The following CSPG4 variants were observed in gnomAD, a reference collection of about 807,000 sequenced individuals.
The protein encoded by CSPG4 is chondroitin sulfate proteoglycan 4 (melanoma-associated).
A neutral mutation model predicts 139.3 loss-of-function variants in CSPG4; 74 were observed. That is an observed-to-expected ratio of 0.53 (90% CI 0.44 to 0.64). The LOEUF (loss-of-function observed/expected upper bound fraction) is 0.64. Among genes scored for constraint, CSPG4 ranks in the 30% least tolerant of loss-of-function variants. CSPG4 has a pLI of 0.00. For missense variants in CSPG4, 2,565 were observed against 3,148.3 expected (o/e 0.81, Z 4.43); for synonymous variants, 1,234 against 1,394.2 (o/e 0.89, Z 2.56).
At position 75,676,695 on chromosome 15, in the gene CSPG4, T is replaced by C; in HGVS notation, c.5824A>G (p.Ile1942Val). 6.3e-7 allele frequency: 1 copy of C among 1,590,392 alleles called. No homozygotes were observed. The highest frequency in any genetic ancestry group is 8.6e-7 in the Non-Finnish European group (1 of 1,166,554). ...SLAVDILPSAIEVQLRAPLEV... is the reference protein window; with the variant it reads ...SLAVDILPSAVEVQLRAPLEV... Reference sequence around the variant, plus strand: ...AGGGGTGCCCGCAGCTGCACCTCGATGGCGGATGGTAGGATGTCCACAGCC... The same window carrying C: ...AGGGGTGCCCGCAGCTGCACCTCGACGGCGGATGGTAGGATGTCCACAGCC... Residue 1942 changes from isoleucine to valine, a missense_variant, in exon 10 of 10, where the codon ATC becomes GTC. Around this residue, in one of 5 missense-constraint regions of CSPG4, gnomAD observed 2,316 missense variants for 2,818.2 expected, o/e 0.82. Coordinates refer to ENST00000308508, the MANE Select transcript of CSPG4 (RefSeq NM_001897.5).
At chr15:75,695,960 G>A (rs377749853) in intron 1 of CSPG4, among the ~76,000 whole-genome samples, 1 of 152,180 alleles carries the variant, frequency 6.6e-6, no homozygotes, top group Non-Finnish European at 1.5e-5. Flanking sequence ...AGCTAGGCTC[G>A]GCTGCGTGAC....
chr15:75,712,690 C>T lies in CSPG4; in HGVS notation c.66G>A (p.Met22Ile), dbSNP rs1354256466. Residue 22 changes from methionine (M) to isoleucine (I), a missense_variant, in exon 1 of 10, where the codon ATG (methionine) becomes ATA (isoleucine). Met to Ile is a conservative substitution (Grantham distance 10, BLOSUM62 1). Coordinates refer to ENST00000308508, the MANE Select transcript of CSPG4 (RefSeq NM_001897.5). ...CACCCGCGGATGCAAGTCTGGCCAACATAGTCAGGGTCAAAGCCAAGGCCA... is the reference window on the plus strand; with the variant it reads ...CACCCGCGGATGCAAGTCTGGCCAATATAGTCAGGGTCAAAGCCAAGGCCA... Reference protein sequence around the residue: ...PGLALALTLTMLARLASAASF... With the variant: ...PGLALALTLTILARLASAASF... 6.4e-7 allele frequency: 1 copy of T among 1,565,876 alleles called. No individual in the cohort carries two copies. The highest frequency in any genetic ancestry group is 8.7e-7 in the Non-Finnish European group (1 of 1,155,844).
In CSPG4 at chr15:75,688,328, C is replaced by T. The variant is rs1214894593; in HGVS notation, c.2737G>A (p.Gly913Ser). The stretch of plus-strand genomic sequence containing the variant: ...TGGTCAGCAGAGAGGACACCCTCAC[C>T]ACCCTCAGGCACCACGAGGAGGACA... ...TNVLLVVPEG[G>S]EGVLSADHLF... is the part of the protein sequence containing the mutation. Residue 913 changes from glycine (G) to serine (S), a missense_variant, in exon 3 of 10, where the codon GGT becomes AGT. This residue lies in a region of CSPG4 where 2,316 missense variants were observed against 2,818.2 expected (regional missense o/e 0.82). Transcript: ENST00000308508. The T allele has an allele frequency of 6.2e-7, 1 of 1,613,158 alleles. No individual in the cohort carries two copies. The highest frequency in any genetic ancestry group is 8.5e-7 in the Non-Finnish European group (1 of 1,180,056).
In CSPG4 at chr15:75,710,186, T is replaced by C. The variant is rs536953326; in HGVS notation, c.88+2482A>G. On this transcript the variant is annotated intron_variant, in intron 1 of 9. Coordinates refer to ENST00000308508, the MANE Select transcript of CSPG4 (RefSeq NM_001897.5). Reference sequence around the variant, plus strand: ...AGGTACTCCCCAACCTGGGTCCCACTTCAACCCCTCACATTCTGCCTTTCA... The same window carrying C: ...AGGTACTCCCCAACCTGGGTCCCACCTCAACCCCTCACATTCTGCCTTTCA... 9.8e-5 allele frequency among the ~76,000 whole-genome samples: 15 copies of C among 152,290 alleles called. No individual in the cohort carries two copies. In the East Asian group the frequency reaches 2.5e-3, roughly 25 times the overall value.
At position 75,677,152 on chromosome 15, in the gene CSPG4, G is replaced by T; in HGVS notation, c.5367C>A (p.Gly1789=). The change falls in exon 10 of 10, where the codon GGC becomes GGA. Residue 1789 remains glycine, a synonymous_variant. Transcript: ENST00000308508. ...LAAGQLVYAH[G]GGGTQQDGFH... ...AGCCATCCTGCTGGGTGCCCCCACC[G>T]CCGTGGGCATACACTAGCTGCCCTG... is the stretch of plus-strand genomic sequence containing the variant. 1 of 1,430,804 alleles carries T rather than the reference G, an allele frequency of 7.0e-7. No homozygotes were observed. The highest frequency in any genetic ancestry group is 9.2e-7 in the Non-Finnish European group (1 of 1,090,068). The allele number at this position is 1,430,804 out of a possible 1,614,324, so 88.6% of individuals were successfully genotyped here.
intron 5 of CSPG4, among the ~76,000 whole-genome samples, chr15:75,683,567 A>G (rs1894009950): frequency 6.6e-6 from 1 of 152,224 alleles, no homozygotes; most frequent in Non-Finnish European, 1.5e-5. Context: ...ACTGTTCTGC[A>G]GCACAGAATC....
intron 3 of CSPG4, among the ~76,000 whole-genome samples, chr15:75,686,411 AG>A (rs1894058457): frequency 1.3e-5 from 2 of 152,284 alleles, no homozygotes; most frequent in South Asian, 4.1e-4. Context: ...CTGGAGGCAC[AG>A]CCGCCTTCAG....
At chr15:75,697,525 C>T (rs1431450971) in intron 1 of CSPG4, among the ~76,000 whole-genome samples, 1 of 152,330 alleles carries the variant, frequency 6.6e-6, no homozygotes, top group East Asian at 1.9e-4. Flanking sequence ...CAGCACCACC[C>T]GTGTGAGCCC....
chr15:75,677,220 G>T lies in CSPG4; in HGVS notation c.5299C>A (p.Leu1767Ile). ...AGGAAGTGGGGCTGCCCAGCATGGAGGGGCTCCTCGGACACCAACAGCTGG... is the reference window on the plus strand; with the variant it reads ...AGGAAGTGGGGCTGCCCAGCATGGATGGGCTCCTCGGACACCAACAGCTGG... The part of the protein sequence containing the change: ...RGQLLVSEEP[L>I]HAGQPHFLQS... Residue 1767 changes from leucine to isoleucine, a missense_variant, in exon 10 of 10, where the codon CTC becomes ATC. Transcript: ENST00000308508. The T allele has an allele frequency of 6.8e-7, 1 of 1,473,248 alleles. No individual in the cohort carries two copies. 91.3% of individuals were successfully genotyped at this position (1,473,248 alleles called of 1,614,324 possible).
At position 75,707,941 on chromosome 15, in the gene CSPG4, C is replaced by T. The variant is rs143218298; in HGVS notation, c.88+4727G>A. Among the ~76,000 whole-genome samples, 551 of 152,098 alleles carry T rather than the reference C, an allele frequency of 3.6e-3. 4 individuals are homozygous for T. The highest frequency in any genetic ancestry group is 0.012 in the African/African-American group (497 of 41,546). ...GCTGCTGGTCCTGAGGGTGAAGCTA[C>T]CCCCCAAACCAGGGCCAAAGAGTAG... On this transcript the variant is annotated intron_variant, in intron 1 of 9. Coordinates refer to ENST00000308508, the MANE Select transcript of CSPG4 (RefSeq NM_001897.5).
In CSPG4 at chr15:75,687,130, A is replaced by G; in HGVS notation, c.3789+146T>C. 1 of 926,132 alleles carries G rather than the reference A, an allele frequency of 1.1e-6. No homozygotes were observed. Among genetic ancestry groups the G allele is most frequent in the Non-Finnish European group, 1.7e-6 (1 of 592,874 alleles). The allele number at this position is 926,132 out of a possible 1,614,324, so 57.4% of individuals were successfully genotyped here. A position where few individuals can be genotyped will look rare whatever the true frequency, so the allele number is the denominator to read the frequency against. ...CCAGAAACTCCTGGGAGCACAACAT[A>G]TACGGGAGCACATCTGAGGCACGTG... On this transcript the variant is annotated intron_variant, in intron 3 of 9. Coordinates refer to ENST00000308508, the MANE Select transcript of CSPG4 (RefSeq NM_001897.5). The surrounding 1 kb of genome is among the most constrained non-coding windows in gnomAD (Gnocchi z 5.4).
intron 1 of CSPG4, among the ~76,000 whole-genome samples, chr15:75,700,483 C>G (rs1423216187): frequency 6.6e-6 from 1 of 152,150 alleles, no homozygotes; most frequent in South Asian, 2.1e-4. Flanking sequence ...ATCGGGAGGG[C>G]CCTTCTGCAG....
chr15:75,692,247 G>A (rs1190661454), intron 2 of CSPG4, among the ~76,000 whole-genome samples: 1 of 152,166 alleles, frequency 6.6e-6, no homozygotes. Context: ...GCCTCCCAAA[G>A]TGCTGGGATT....
rs1893915185 is a variant in CSPG4 at position 75,677,801 on chromosome 15, G to A, written c.5036C>T (p.Ser1679Phe). The change falls in exon 9 of 10, where the codon TCC becomes TTC. Residue 1679 changes from serine (S) to phenylalanine (F), a missense_variant. This residue lies in a region of CSPG4 where 2,316 missense variants were observed against 2,818.2 expected (regional missense o/e 0.82). Transcript: ENST00000308508. ...GGCCACGTCCCGGGCAGGCGGCGAG[G>A]ACAGCTGGAGCTCTAGGGTATCATG... ...EAHDTLELQL[S>F]SPPARDVAAT... 4 of 1,612,182 alleles carry A rather than the reference G, an allele frequency of 2.5e-6. No individual in the cohort carries two copies. In the Admixed American group the frequency reaches 6.7e-5, roughly 27 times the overall value.
At position 75,675,984 on chromosome 15, in the gene CSPG4, G is replaced by T; in HGVS notation, c.6535C>A (p.Pro2179Thr). 6.3e-7 allele frequency: 1 copy of T among 1,577,570 alleles called. No individual in the cohort carries two copies. Residue 2179 changes from proline to threonine, a missense_variant, in exon 10 of 10, where the codon CCC becomes ACC. By Grantham distance (38) the Pro-to-Thr change is conservative (BLOSUM62 -1). This residue lies in a region of CSPG4 where 2,316 missense variants were observed against 2,818.2 expected (regional missense o/e 0.82). Transcript: ENST00000308508. ...CCTGCTTCCGTCCGGGCGGCCTCGG[G>T]GACACTGAGCAGGGCCACGCTGTAG... is the stretch of plus-strand genomic sequence containing the variant. ...RPYSVALLSV[P>T]EAARTEAGKP...
Position 75,675,495 on chromosome 15 carries a change from G to C in CSPG4, c.*55C>G, listed in dbSNP as rs1182962666. The C allele has an allele frequency of 2.8e-6, 4 of 1,416,222 alleles. No homozygotes were observed. The highest frequency in any genetic ancestry group is 2.5e-5 in the East Asian group (1 of 39,986). 87.7% of individuals were successfully genotyped at this position (1,416,222 alleles called of 1,614,324 possible). The stretch of plus-strand genomic sequence containing the variant: ...ACCAGGCATGGAAGCAATGGGGCCC[G>C]GGACATGGGCAAGCCTGTCCCTGGC... On this transcript the variant is annotated 3_prime_UTR_variant, in exon 10 of 10. Coordinates refer to ENST00000308508, the MANE Select transcript of CSPG4 (RefSeq NM_001897.5).
chr15:75,691,042 C>T (rs1264360125), intron 2 of CSPG4, among the ~76,000 whole-genome samples: 3 of 152,152 alleles, frequency 2.0e-5, no homozygotes, highest in Non-Finnish European at 2.9e-5. Flanking sequence ...GGCATGGTGG[C>T]GCATGCCTGT....
Position 75,687,522 on chromosome 15 carries a change from A to G in CSPG4, c.3543T>C (p.Gly1181=). 1 of 1,612,004 alleles carries G rather than the reference A, an allele frequency of 6.2e-7. No homozygotes were observed. Among genetic ancestry groups the G allele is most frequent in the Non-Finnish European group, 8.5e-7 (1 of 1,179,404 alleles). The change falls in exon 3 of 10, where the codon GGT becomes GGC. Residue 1181 remains glycine (G), a synonymous_variant. Transcript: ENST00000308508. The surrounding 1 kb of genome is among the most constrained non-coding windows in gnomAD (Gnocchi z 5.4). ...GCTGGGAGAAGGCTGTGGCTGGCTG[A>G]CCAGCCCGGACTAGCTGTCCCCAGC... ...GPRWGQLVRA[G]QPATAFSQQD...
chr15:75,708,056 TG>T (rs1467856487), intron 1 of CSPG4, among the ~76,000 whole-genome samples: 2 of 146,954 alleles, frequency 1.4e-5, no homozygotes, highest in Non-Finnish European at 3.0e-5. Flanking sequence ...CCAGGATCCA[TG>T]GGGGGCTGGT....
Sources: allele counts gnomAD v4.1 joint callset (sites outside exome capture counted in the v4.1 genomes callset), GRCh38; gene constraint gnomAD v4.1.1; regional missense constraint gnomAD v4.1.1; non-coding constraint Gnocchi (gnomAD v3.1); transcripts MANE v1.5; gene names NCBI Gene and HGNC (gene_info 2026-07-23, HGNC 2026-07-21).